The following DCC variants were observed in gnomAD, a reference collection of about 807,000 sequenced individuals.
The protein encoded by DCC is netrin receptor DCC.
DCC carries 58 observed loss-of-function variants against 172.5 expected under a neutral mutation model. The ratio of observed to expected loss-of-function variants is 0.34; its 90% CI spans 0.27 to 0.42. DCC has a LOEUF of 0.42. Ranked by LOEUF, DCC falls within the 10% of genes least tolerant of loss-of-function variation. The pLI is 1.00. For missense variants in DCC, 1,740 were observed against 1,791.0 expected (o/e 0.97, Z 0.51); for synonymous variants, 709 against 644.5 (o/e 1.10, Z -1.52).
At chr18:52,606,686 G>A (rs1332757331) in intron 1 of DCC, among the ~76,000 whole-genome samples, 6 of 152,134 alleles carry the variant, frequency 3.9e-5, no homozygotes, top group African/African-American at 1.4e-4. Flanking sequence ...TTTAATACTT[G>A]ATATCAATCA....
intron 17 of DCC, among the ~76,000 whole-genome samples, chr18:53,392,245 G>C (rs1215130882): frequency 1.3e-5 from 2 of 150,866 alleles, no homozygotes; most frequent in Admixed American, 6.6e-5. Context: ...TTTCCATTTG[G>C]AATCTAGATT....
At chr18:53,141,341 C>T (rs925969226) in intron 7 of DCC, among the ~76,000 whole-genome samples, 8 of 152,188 alleles carry the variant, frequency 5.3e-5, no homozygotes, top group Admixed American at 2.0e-4. Flanking sequence ...TGAGCCAATA[C>T]GTATGAAACA....
At chr18:53,173,042 CA>C (rs1402198465) in intron 8 of DCC, among the ~76,000 whole-genome samples, 1 of 152,028 alleles carries the variant, frequency 6.6e-6, no homozygotes, top group African/African-American at 2.4e-5. Flanking sequence ...CAAAAATAAG[CA>C]AAAATCCCCA....
At chr18:52,421,649 G>A (rs1423268310) in intron 1 of DCC, among the ~76,000 whole-genome samples, 1 of 152,190 alleles carries the variant, frequency 6.6e-6, no homozygotes, top group Non-Finnish European at 1.5e-5. Flanking sequence ...TGGCACTTGA[G>A]CCTTCACTGA....
intron 1 of DCC, among the ~76,000 whole-genome samples, chr18:52,363,909 C>A (rs907902605): frequency 6.6e-6 from 1 of 152,146 alleles, no homozygotes; most frequent in Non-Finnish European, 1.5e-5. Context: ...GTACTCTCAC[C>A]CAGTCCTGGG....
chr18:53,270,300 G>A (rs2056734229), intron 12 of DCC, among the ~76,000 whole-genome samples: 1 of 152,120 alleles, frequency 6.6e-6, no homozygotes, highest in Admixed American at 6.6e-5. Context: ...AAGATGCTTT[G>A]AAGATGGTGG....
chr18:52,666,225 C>T (rs911202512), intron 1 of DCC, among the ~76,000 whole-genome samples: 8 of 151,940 alleles, frequency 5.3e-5, no homozygotes, highest in South Asian at 2.1e-4. Context: ...ACCCAGGAGG[C>T]GGAGGTTGCG....
intron 1 of DCC, among the ~76,000 whole-genome samples, chr18:52,626,998 T>A (rs1226575502): frequency 6.6e-6 from 1 of 152,176 alleles, no homozygotes; most frequent in African/African-American, 2.4e-5. Flanking sequence ...AGTCCATCCC[T>A]CTCACACTAC....
At chr18:53,236,788 G>A (rs2056208408) in intron 12 of DCC, among the ~76,000 whole-genome samples, 1 of 151,954 alleles carries the variant, frequency 6.6e-6, no homozygotes, top group Admixed American at 6.6e-5. Flanking sequence ...ATTTATATAG[G>A]TATCCAGTTT....
At chr18:53,417,321 G>A (rs34112859) in intron 21 of DCC, among the ~76,000 whole-genome samples, 5,128 of 152,248 alleles carry the variant, frequency 0.034, 203 homozygotes, top group East Asian at 0.18. Flanking sequence ...AGGGGTTTAC[G>A]TGGAATAATT....
At chr18:52,827,247 C>T (rs1289638572) in intron 2 of DCC, among the ~76,000 whole-genome samples, 1 of 152,150 alleles carries the variant, frequency 6.6e-6, no homozygotes, top group East Asian at 1.9e-4. Context: ...TAAATTCCTT[C>T]TAGATCAGAG....
At chr18:53,315,707 T>C (rs931804374) in intron 13 of DCC, among the ~76,000 whole-genome samples, 2 of 152,248 alleles carry the variant, frequency 1.3e-5, no homozygotes, top group African/African-American at 4.8e-5. Context: ...ATTTCTCTAA[T>C]GACCAGTGAT....
chr18:53,255,913 T>C (rs2056504870), intron 12 of DCC, among the ~76,000 whole-genome samples: 1 of 152,194 alleles, frequency 6.6e-6, no homozygotes, highest in Non-Finnish European at 1.5e-5. Flanking sequence ...TTCTAACTGG[T>C]GTGAGATGGT....
chr18:53,150,522 TCA>T (rs2043982014), intron 7 of DCC, among the ~76,000 whole-genome samples: 2 of 152,282 alleles, frequency 1.3e-5, no homozygotes, highest in Admixed American at 1.3e-4. Context: ...TGTAATAGGA[TCA>T]CAACAACAAT....
chr18:53,506,807 A>G (rs1377159240), intron 27 of DCC, among the ~76,000 whole-genome samples: 2 of 151,612 alleles, frequency 1.3e-5, no homozygotes, highest in East Asian at 3.9e-4. Flanking sequence ...GCAGTGAGCC[A>G]AGATCATGCC....
At chr18:52,972,325 C>T (rs1198697111) in intron 5 of DCC, among the ~76,000 whole-genome samples, 1 of 152,102 alleles carries the variant, frequency 6.6e-6, no homozygotes, top group Non-Finnish European at 1.5e-5. Context: ...GTGTAACATG[C>T]CACTAAAAAT....
chr18:52,794,592 A>G (rs2037837274), intron 2 of DCC, among the ~76,000 whole-genome samples: 1 of 151,968 alleles, frequency 6.6e-6, no homozygotes, highest in South Asian at 2.1e-4. Context: ...AAGAGGGATG[A>G]TTGTTCTTTC....
chr18:52,841,655 G>A (rs940677025), intron 2 of DCC, among the ~76,000 whole-genome samples: 1 of 152,140 alleles, frequency 6.6e-6, no homozygotes, highest in African/African-American at 2.4e-5. Context: ...AGGTTCACTG[G>A]GTATAGTGGG....
At chr18:52,769,032 A>G (rs2037298673) in intron 2 of DCC, among the ~76,000 whole-genome samples, 1 of 152,220 alleles carries the variant, frequency 6.6e-6, no homozygotes, top group African/African-American at 2.4e-5. Context: ...TCAATAAAAT[A>G]CATGGTAGCA....
Sources: allele counts gnomAD v4.1 joint callset (sites outside exome capture counted in the v4.1 genomes callset), GRCh38; gene constraint gnomAD v4.1.1; transcripts MANE v1.5; gene names NCBI Gene and HGNC (gene_info 2026-07-23, HGNC 2026-07-21).